SLIT3: variants seen among roughly 807,000 people sequenced by gnomAD.
The protein encoded by SLIT3 is slit homolog 3 protein.
A neutral mutation model predicts 184.0 loss-of-function variants in SLIT3; 68 were observed. The observed-to-expected ratio is 0.37, with a 90% confidence interval of 0.30 to 0.45. SLIT3 has a LOEUF of 0.45. SLIT3 is among the 20% of genes least tolerant of loss of function. The probability of loss-of-function intolerance (pLI) is 1.00; values close to 1 mark genes in which losing one functional copy is unlikely to be tolerated. For missense variants in SLIT3, 1,707 were observed against 2,026.0 expected (o/e 0.84, Z 3.02); for synonymous variants, 831 against 828.6 (o/e 1.00, Z -0.05).
chr5:168,845,225 T>A (rs2113715479), intron 5 of SLIT3, among the ~76,000 whole-genome samples: 1 of 152,294 alleles, frequency 6.6e-6, no homozygotes, highest in Non-Finnish European at 1.5e-5. Context: ...AATTTTATAG[T>A]CTTTTTATTA....
chr5:168,974,329 T>A (rs968459821), intron 4 of SLIT3, among the ~76,000 whole-genome samples: 12 of 152,182 alleles, frequency 7.9e-5, no homozygotes, highest in Non-Finnish European at 1.6e-4. Flanking sequence ...ATAAACATTC[T>A]TTGTTGACCC....
rs1007720003 is a variant in SLIT3, at chr5:169,128,289, T to A, written c.413+65190A>T. Among the ~76,000 whole-genome samples the A allele has an allele frequency of 1.7e-4, 25 of 148,336 alleles. 1 individual carries two copies. Among genetic ancestry groups the A allele is most frequent in the South Asian group, 4.2e-4 (2 of 4,766 alleles). On this transcript the variant is annotated intron_variant, in intron 4 of 35. Coordinates refer to ENST00000519560, the MANE Select transcript of SLIT3 (RefSeq NM_003062.4). ...ATATATATATTTATATATATATATA[T>A]AATTTATATGTGTGCATATATAAAT...
chr5:169,250,372 A>G (rs1459453020), intron 2 of SLIT3, among the ~76,000 whole-genome samples: 1 of 152,228 alleles, frequency 6.6e-6, no homozygotes, highest in Non-Finnish European at 1.5e-5. Context: ...ATGAAGCACT[A>G]CACGTGTAAC....
intron 1 of SLIT3, among the ~76,000 whole-genome samples, chr5:169,299,137 C>T (rs946812891): frequency 1.4e-4 from 22 of 152,080 alleles, no homozygotes; most frequent in African/African-American, 5.3e-4. Context: ...GCCTGGTTTT[C>T]GACATGTGTT....
At chr5:169,005,070 C>T (rs1270099734) in intron 4 of SLIT3, among the ~76,000 whole-genome samples, 1 of 152,092 alleles carries the variant, frequency 6.6e-6, no homozygotes, top group Non-Finnish European at 1.5e-5. Flanking sequence ...AGGAATACTT[C>T]GTGTTTCTGT....
chr5:168,981,386 T>C (rs1286037600), intron 4 of SLIT3, among the ~76,000 whole-genome samples: 1 of 152,080 alleles, frequency 6.6e-6, no homozygotes, highest in Non-Finnish European at 1.5e-5. Context: ...ATTCCCGGGA[T>C]TGCAATGAGG....
At chr5:168,865,291 T>C (rs551567207) in intron 5 of SLIT3, among the ~76,000 whole-genome samples, 1 of 152,188 alleles carries the variant, frequency 6.6e-6, no homozygotes, top group East Asian at 1.9e-4. Context: ...TAATTCAATG[T>C]TCATAGCAGC....
intron 4 of SLIT3, among the ~76,000 whole-genome samples, chr5:169,128,643 C>T (rs1178957139): frequency 6.6e-6 from 1 of 152,078 alleles, no homozygotes; most frequent in Non-Finnish European, 1.5e-5. Flanking sequence ...CTTGGCCAGG[C>T]TGGTTTGAAC....
At chr5:169,282,594 A>G (rs1416450268) in intron 1 of SLIT3, among the ~76,000 whole-genome samples, 2 of 152,220 alleles carry the variant, frequency 1.3e-5, no homozygotes, top group Admixed American at 6.5e-5. Context: ...AATTCTGGCT[A>G]CATTTATGAT....
chr5:168,818,468 C>T (rs1393518135), intron 7 of SLIT3, among the ~76,000 whole-genome samples: 1 of 152,192 alleles, frequency 6.6e-6, no homozygotes, highest in Non-Finnish European at 1.5e-5. Flanking sequence ...CAAGGTCTCT[C>T]TATCAGGGGT....
intron 1 of SLIT3, among the ~76,000 whole-genome samples, chr5:169,251,898 C>T (rs753236674): frequency 6.6e-5 from 10 of 152,130 alleles, no homozygotes; most frequent in Non-Finnish European, 8.8e-5. Context: ...TGTTTATCTA[C>T]TGGGATTGCT....
chr5:168,873,315 G>C (rs1561980202), intron 5 of SLIT3, among the ~76,000 whole-genome samples: 1 of 152,102 alleles, frequency 6.6e-6, no homozygotes, highest in Non-Finnish European at 1.5e-5. Context: ...GGTCCTGCAA[G>C]ACTGTTGCAG....
chr5:169,207,788 C>T (rs775533772), intron 3 of SLIT3, among the ~76,000 whole-genome samples: 6 of 152,056 alleles, frequency 3.9e-5, no homozygotes, highest in African/African-American at 7.2e-5. Context: ...GACCTTTGGG[C>T]GGTGACTGGG....
intron 3 of SLIT3, among the ~76,000 whole-genome samples, chr5:169,231,490 C>T (rs369281321): frequency 2.9e-4 from 44 of 152,266 alleles, no homozygotes; most frequent in African/African-American, 1.1e-3. Context: ...TTTTTGTCCC[C>T]GATTATGCTT....
At chr5:168,821,756 A>G (rs1018515186) in intron 7 of SLIT3, among the ~76,000 whole-genome samples, 2 of 152,190 alleles carry the variant, frequency 1.3e-5, no homozygotes, top group Non-Finnish European at 2.9e-5. Context: ...TTCTCACAGC[A>G]ACTTTGAGGC....
chr5:169,231,750 C>A (rs960542265), intron 3 of SLIT3, among the ~76,000 whole-genome samples: 1 of 152,056 alleles, frequency 6.6e-6, no homozygotes, highest in Admixed American at 6.5e-5. Context: ...TTGGTACTGC[C>A]CATATTCGAG....
At position 168,669,378 on chromosome 5, in the gene SLIT3, C is replaced by T. The variant is rs1177987974; in HGVS notation, c.4336+405G>A. On this transcript the variant is annotated intron_variant, in intron 35 of 35. Coordinates refer to ENST00000519560, the MANE Select transcript of SLIT3 (RefSeq NM_003062.4). ...GCAGAACTGGGACCTCCCGCCAACA[C>T]CCAGCGCCATGGGAGTGCAGCACAT... Among the ~76,000 whole-genome samples, 18 of 152,228 alleles carry T rather than the reference C, an allele frequency of 1.2e-4. 1 individual carries two copies. Among genetic ancestry groups the T allele is most frequent in the Admixed American group, 1.2e-3 (18 of 15,282 alleles).
At chr5:169,081,881 T>C (rs1759076435) in intron 4 of SLIT3, among the ~76,000 whole-genome samples, 2 of 152,174 alleles carry the variant, frequency 1.3e-5, no homozygotes, top group African/African-American at 4.8e-5. Context: ...GCCCAGTTCT[T>C]CATTTGAGAA....
chr5:169,198,253 G>T (rs929752922), intron 3 of SLIT3, among the ~76,000 whole-genome samples: 6 of 152,246 alleles, frequency 3.9e-5, no homozygotes, highest in African/African-American at 7.2e-5. Flanking sequence ...GAAAGCGAAG[G>T]TGTCGTGGGA....
Sources: allele counts gnomAD v4.1 joint callset (sites outside exome capture counted in the v4.1 genomes callset), GRCh38; gene constraint gnomAD v4.1.1; transcripts MANE v1.5; gene names NCBI Gene and HGNC (gene_info 2026-07-23, HGNC 2026-07-21).